The following JPT2 variants were observed in gnomAD, a reference collection of about 807,000 sequenced individuals.
JPT2 encodes the protein CRAMP_1 like.
JPT2 carries 9 observed loss-of-function variants against 15.9 expected under a neutral mutation model. That is an observed-to-expected ratio of 0.57 (90% CI 0.34 to 0.99). The LOEUF (loss-of-function observed/expected upper bound fraction) is 0.99, where lower values mean the gene tolerates loss of function less well. JPT2 is among the 50% of genes least tolerant of loss of function. The pLI is 0.02. For missense variants in JPT2, 267 were observed against 252.1 expected, an observed-to-expected ratio of 1.06 and a Z score of -0.40; for synonymous variants, 95 against 91.7, an observed-to-expected ratio of 1.04 and a Z score of -0.21.
Position 1,698,957 on chromosome 16 carries a change from C to T in JPT2, c.532C>T (p.Leu178=). Residue 178 remains leucine (L), a synonymous_variant, in exon 5 of 5, where the codon CTG becomes TTG. Coordinates refer to ENST00000248098, the MANE Select transcript of JPT2 (RefSeq NM_144570.3). This position sits in a 1 kb window ranked among gnomAD's most constrained non-coding sequence, Gnocchi z 4.9. ...GCGGCCTCGCTCTCACAACAAGGTC[C>T]TGAACCCACCGGGAGGCAAATCCAG... is the stretch of plus-strand genomic sequence containing the variant. ...GPRPRSHNKV[L]NPPGGKSSIS... 6.2e-7 allele frequency: 1 copy of T among 1,613,836 alleles called. No individual in the cohort carries two copies. Among genetic ancestry groups the T allele is most frequent in the South Asian group, 1.1e-5 (1 of 91,082 alleles).
intron 3 of JPT2, among the ~76,000 whole-genome samples, chr16:1,696,300 C>A (rs575122221): frequency 6.4e-4 from 97 of 152,164 alleles, no homozygotes; most frequent in Admixed American, 1.4e-3. Flanking sequence ...ATTTGGGAGG[C>A]TGAGGCAGGC....
chr16:1,694,071 G>A (rs1031582766), intron 3 of JPT2, among the ~76,000 whole-genome samples: 1 of 152,162 alleles, frequency 6.6e-6, no homozygotes, highest in African/African-American at 2.4e-5. Context: ...CATGAAGTGT[G>A]TGTTAGGATA....
intron 3 of JPT2, among the ~76,000 whole-genome samples, chr16:1,696,071 A>G (rs1033282862): frequency 6.6e-6 from 1 of 151,724 alleles, no homozygotes; most frequent in African/African-American, 2.4e-5. Flanking sequence ...TCTACTAAAA[A>G]TACGAAAACT....
chr16:1,702,217 C>A (rs2037184558), downstream of JPT2: 1 of 452,312 alleles, frequency 2.2e-6, no homozygotes. Flanking sequence ...ATTCTGCCTG[C>A]TAGATCGGGG....
At chr16:1,683,404 C>T (rs1035617826) in intron 1 of JPT2, 4 of 727,172 alleles carry the variant, frequency 5.5e-6, no homozygotes, top group South Asian at 1.7e-5. Flanking sequence ...AGGTACTGCT[C>T]CCGGACAGCC....
chr16:1,688,519 C>T (rs1481024376), intron 2 of JPT2: 1 of 152,136 alleles, frequency 6.6e-6, no homozygotes, highest in Non-Finnish European at 1.5e-5. Flanking sequence ...TGGTGTTTAC[C>T]ATTCTTGTGT....
intron 3 of JPT2, among the ~76,000 whole-genome samples, chr16:1,695,819 TA>T (rs2142229622): frequency 6.6e-6 from 1 of 152,176 alleles, no homozygotes; most frequent in Non-Finnish European, 1.5e-5. Context: ...TGCAGTGAGC[TA>T]AGATCATGCA....
In JPT2 at chr16:1,691,919, G is replaced by C. The variant is rs2037106176; in HGVS notation, c.270G>C (p.Lys90Asn). 2 of 1,614,084 alleles carry C rather than the reference G, an allele frequency of 1.2e-6. No homozygotes were observed. Among genetic ancestry groups the C allele is most frequent in the Non-Finnish European group, 1.7e-6 (2 of 1,180,050 alleles). The change falls in exon 3 of 5, where the codon AAG becomes AAC. Residue 90 changes from lysine (K) to asparagine (N), a missense_variant. Coordinates refer to ENST00000248098, the MANE Select transcript of JPT2 (RefSeq NM_144570.3). Reference protein sequence around the residue: ...TRQHLNPPGGKTSDIFGSPVT... With the variant: ...TRQHLNPPGGNTSDIFGSPVT... ...AGCACCTGAACCCACCTGGAGGGAA[G>C]ACCAGCGACATTTTTGGGTCTCCGG...
intron 1 of JPT2, 42 bp downstream of exon 1, chr16:1,678,398 C>A (rs2036990473): frequency 2.0e-5 from 25 of 1,225,920 alleles, no homozygotes; most frequent in Non-Finnish European, 2.3e-5. Flanking sequence ...ATAGCGCGAC[C>A]ACGTGGCGGG....
At chr16:1,696,627 TCAA>T (rs2037144246) in intron 3 of JPT2, among the ~76,000 whole-genome samples, 2 of 151,956 alleles carry the variant, frequency 1.3e-5, no homozygotes, top group African/African-American at 4.8e-5. Context: ...TGCCTACAAC[TCAA>T]CAACGAAATA....
Position 1,700,146 on chromosome 16 carries a change from G to C in JPT2, c.*1148G>C, listed in dbSNP as rs1390687926. 2.2e-6 allele frequency: 1 copy of C among 456,062 alleles called. No individual in the cohort carries two copies. Among genetic ancestry groups the C allele is most frequent in the Non-Finnish European group, 4.4e-6 (1 of 226,778 alleles). 28.3% of individuals were successfully genotyped at this position (456,062 alleles called of 1,614,324 possible). A position where few individuals can be genotyped will look rare whatever the true frequency, so the allele number is the denominator to read the frequency against. On this transcript the variant is annotated 3_prime_UTR_variant, in exon 5 of 5. Transcript: ENST00000248098. ...AGGCCACCCTCTACAAAGCTTTATA[G>C]AACTTCTGGATCTAACTCACAAACA...
intron 2 of JPT2, chr16:1,686,778 CT>C (rs1174685298): frequency 1.3e-5 from 2 of 152,048 alleles, no homozygotes; most frequent in African/African-American, 4.8e-5. Context: ...ACCTGAGTCG[CT>C]TTCCCCCGTC....
At chr16:1,685,908 G>T in intron 2 of JPT2, 1 of 233,458 alleles carries the variant, frequency 4.3e-6, no homozygotes, top group South Asian at 9.6e-5. Flanking sequence ...CTGAAATTGC[G>T]TGCAAATTAT....
intron 3 of JPT2, chr16:1,692,346 C>G (rs945330452): frequency 6.5e-5 from 17 of 262,010 alleles, no homozygotes; most frequent in Non-Finnish European, 1.2e-4. Flanking sequence ...TCCTGTTTCA[C>G]CTTGCAGAGG....
Position 1,699,009 on chromosome 16 carries a change from T to A in JPT2, c.*11T>A, listed in dbSNP as rs758275615. ...ATCTCCTTCTACTAAGAGAAGCCAC[T>A]GCTCCACCCGGAGCCAGACCAGAAA... On this transcript the variant is annotated 3_prime_UTR_variant, in exon 5 of 5. Transcript: ENST00000248098. 12 of 1,611,594 alleles carry A rather than the reference T, an allele frequency of 7.4e-6. No homozygotes were observed. Among genetic ancestry groups the A allele is most frequent in the Non-Finnish European group, 1.0e-5 (12 of 1,178,586 alleles).
chr16:1,687,797 G>A (rs1320520873), intron 2 of JPT2, among the ~76,000 whole-genome samples: 1 of 152,208 alleles, frequency 6.6e-6, no homozygotes, highest in Non-Finnish European at 1.5e-5. Context: ...ATCAAGGGAA[G>A]CCTGAAAGGG....
At chr16:1,680,383 A>T (rs1882212504) in intron 1 of JPT2, 1 of 1,057,008 alleles carries the variant, frequency 9.5e-7, no homozygotes, top group South Asian at 2.4e-5. Flanking sequence ...GGCCGCACTA[A>T]AGTCATACTC....
intron 1 of JPT2, among the ~76,000 whole-genome samples, chr16:1,678,925 C>T (rs2036997548): frequency 6.6e-6 from 1 of 152,206 alleles, no homozygotes; most frequent in Admixed American, 6.5e-5. Context: ...TGTGAGTCCA[C>T]TTCCTTTGGA....
intron 2 of JPT2, among the ~76,000 whole-genome samples, chr16:1,690,756 T>C (rs2037098942): frequency 6.6e-6 from 1 of 152,244 alleles, no homozygotes; most frequent in Non-Finnish European, 1.5e-5. Context: ...GCATGCTATA[T>C]GGATTGTTTG....
Sources: gnomAD v4.1 joint callset for allele counts (sites outside exome capture counted in the v4.1 genomes callset) on GRCh38, gnomAD v4.1.1 for gene constraint, Gnocchi (gnomAD v3.1) non-coding constraint, MANE v1.5 for transcripts, NCBI Gene and HGNC (gene_info 2026-07-23, HGNC 2026-07-21) for gene names.